Variants in YTHDF3 observed in about 807,000 individuals in gnomAD.
The protein encoded by YTHDF3 is YTH domain-containing family protein 3.
In YTHDF3, 9 loss-of-function variants were observed where a neutral mutation model predicts 52.5. That is an observed-to-expected ratio of 0.17 (90% CI 0.10 to 0.30). YTHDF3 has a LOEUF of 0.30. YTHDF3 is among the 10% of genes least tolerant of loss of function. YTHDF3 has a pLI of 1.00. For synonymous variants in YTHDF3, 274 were observed against 243.3 expected, an observed-to-expected ratio of 1.13 and a Z score of -1.18; for missense variants, 534 against 715.0, an observed-to-expected ratio of 0.75 and a Z score of 2.89.
intron 4 of YTHDF3, among the ~76,000 whole-genome samples, chr8:63,197,395 G>C (rs892166827): frequency 8.5e-5 from 13 of 152,150 alleles, no homozygotes; most frequent in Admixed American, 5.9e-4. Context: ...TGTAGAAATG[G>C]ACAGTAGGAT....
chr8:63,195,731 CGTGTGT>C (rs61277098), intron 4 of YTHDF3, among the ~76,000 whole-genome samples: 183 of 145,316 alleles, frequency 1.3e-3, no homozygotes, highest in Middle Eastern at 3.5e-3. Context: ...CATGTATTTA[CGTGTGT>C]GTGTGTGTGT....
rs758352957 is a variant in YTHDF3, at chr8:63,199,315, G to T, written c.1735-10368G>T. On this transcript the variant is annotated intron_variant, in intron 4 of 4. Transcript: ENST00000539294. ...TACAGGGGATTATTCCAGGACCCCC[G>T]CAAATACCAAAATCTGCACATACTC... Among the ~76,000 whole-genome samples, 9 of 152,046 alleles carry T rather than the reference G, an allele frequency of 5.9e-5. 1 individual carries two copies. Among genetic ancestry groups the T allele is most frequent in the Admixed American group, 5.2e-4 (8 of 15,258 alleles).
chr8:63,201,346 CCT>C (rs1295953469), intron 4 of YTHDF3, among the ~76,000 whole-genome samples: 3 of 151,886 alleles, frequency 2.0e-5, no homozygotes, highest in Non-Finnish European at 4.4e-5. Context: ...CAACATAGAC[CCT>C]GTCTCTATAT....
At position 63,168,891 on chromosome 8, in the gene YTHDF3, G is replaced by A; in HGVS notation, c.14G>A (p.Ser5Asn). Residue 5 changes from serine to asparagine, a missense_variant, in exon 1 of 5, where the codon AGC becomes AAC. By Grantham distance (46) the Ser-to-Asn change is conservative. Coordinates refer to ENST00000539294, the MANE Select transcript of YTHDF3 (RefSeq NM_152758.6). ...TTGCGGTGAAGAATGTCAGCCACTA[G>A]CGTGGATCAGGTGAGGGAGCAGAGG... MSAT[S>N]VDQRPKGQGN... The A allele has an allele frequency of 6.4e-7, 1 of 1,553,808 alleles. No individual in the cohort carries two copies. The highest frequency in any genetic ancestry group is 1.7e-4 in the Middle Eastern group (1 of 5,978).
chr8:63,180,567 G>A (rs1281594281), intron 3 of YTHDF3, among the ~76,000 whole-genome samples: 3 of 152,152 alleles, frequency 2.0e-5, no homozygotes, highest in Admixed American at 1.3e-4. Flanking sequence ...CTTCCCAGAC[G>A]GGGTGGCGGC....
At position 63,168,797 on chromosome 8, in the gene YTHDF3, G is replaced by A; in HGVS notation, c.-81G>A. ...GCGGCTGGAACAATCACTCGGCCAA[G>A]GGCGACAGCCAACTGCTGTGAGTGC... On this transcript the variant is annotated 5_prime_UTR_variant, in exon 1 of 5. Transcript: ENST00000539294. 6.5e-7 allele frequency: 1 copy of A among 1,549,200 alleles called. No individual in the cohort carries two copies. The highest frequency in any genetic ancestry group is 8.7e-7 in the Non-Finnish European group (1 of 1,146,452).
At position 63,175,282 on chromosome 8, in the gene YTHDF3, G is replaced by A. The variant is rs754304788; in HGVS notation, c.50-49G>A. 15 of 1,364,150 alleles carry A rather than the reference G, an allele frequency of 1.1e-5. 1 individual carries two copies. The highest frequency in any genetic ancestry group is 1.0e-4 in the South Asian group (8 of 77,768). The allele number at this position is 1,364,150 out of a possible 1,614,324, so 84.5% of individuals were successfully genotyped here. A position where few individuals can be genotyped will look rare whatever the true frequency, so the allele number is the denominator to read the frequency against. On this transcript the variant is annotated intron_variant, in intron 2 of 4. Coordinates refer to ENST00000539294, the MANE Select transcript of YTHDF3 (RefSeq NM_152758.6). Reference sequence around the variant, plus strand: ...TATTAAAAACATTAGGTTGTGCTGCGAGTTTCATAAAGATAACTACAACAC... The same window carrying A: ...TATTAAAAACATTAGGTTGTGCTGCAAGTTTCATAAAGATAACTACAACAC...
At chr8:63,189,447 G>A (rs1346078294) in intron 4 of YTHDF3, among the ~76,000 whole-genome samples, 1 of 152,244 alleles carries the variant, frequency 6.6e-6, no homozygotes, top group Non-Finnish European at 1.5e-5. Context: ...AGCTCCTCCA[G>A]TAAATAATGC....
intron 4 of YTHDF3, among the ~76,000 whole-genome samples, chr8:63,195,770 G>C (rs1376552578): frequency 1.4e-5 from 2 of 146,920 alleles, no homozygotes; most frequent in Non-Finnish European, 3.0e-5. Context: ...GTGTGACCCT[G>C]GGCAACATAG....
At chr8:63,169,535 T>C in intron 2 of YTHDF3, 124 bp downstream of exon 2, 2 of 1,112,130 alleles carry the variant, frequency 1.8e-6, no homozygotes, top group East Asian at 2.6e-5. Flanking sequence ...AGGGAAAATA[T>C]TCATCATGGC....
intron 4 of YTHDF3, among the ~76,000 whole-genome samples, chr8:63,198,404 C>T (rs1468036744): frequency 6.6e-6 from 1 of 152,046 alleles, no homozygotes; most frequent in Non-Finnish European, 1.5e-5. Flanking sequence ...GTAGCCAGGA[C>T]TACAGGTGTG....
At chr8:63,170,172 G>A (rs911495754) in intron 2 of YTHDF3, among the ~76,000 whole-genome samples, 2 of 152,082 alleles carry the variant, frequency 1.3e-5, no homozygotes, top group African/African-American at 4.8e-5. Context: ...CTGCTTTCTT[G>A]GGATAGTGCC....
intron 4 of YTHDF3, among the ~76,000 whole-genome samples, chr8:63,194,717 C>A (rs908804467): frequency 6.6e-6 from 1 of 152,002 alleles, no homozygotes; most frequent in Non-Finnish European, 1.5e-5. Context: ...GTCAGATGAT[C>A]CATGGAATTG....
intron 2 of YTHDF3, chr8:63,172,849 C>T: frequency 8.3e-7 from 1 of 1,209,866 alleles, no homozygotes; most frequent in South Asian, 4.2e-5. Flanking sequence ...GACTATGGAA[C>T]TAGCTTGGAT....
chr8:63,170,944 AT>A (rs1266798787), intron 2 of YTHDF3, among the ~76,000 whole-genome samples: 4 of 152,152 alleles, frequency 2.6e-5, no homozygotes, highest in African/African-American at 9.6e-5. Flanking sequence ...CATCTTTGAT[AT>A]TAGATATGAG....
At position 63,209,797 on chromosome 8, in the gene YTHDF3, T is replaced by C; in HGVS notation, c.*91T>C. On this transcript the variant is annotated 3_prime_UTR_variant, in exon 5 of 5. Coordinates refer to ENST00000539294, the MANE Select transcript of YTHDF3 (RefSeq NM_152758.6). ...TCAAAGAAGACGTATTAAAGCTCTT[T>C]TCTGCTTAAGGTGACATCTTTGAAC... is the stretch of plus-strand genomic sequence containing the variant. 1 of 1,329,308 alleles carries C rather than the reference T, an allele frequency of 7.5e-7. No individual in the cohort carries two copies. 82.3% of individuals were successfully genotyped at this position (1,329,308 alleles called of 1,614,324 possible). A position where few individuals can be genotyped will look rare whatever the true frequency, so the allele number is the denominator to read the frequency against.
intron 4 of YTHDF3, among the ~76,000 whole-genome samples, chr8:63,207,033 G>T (rs1053028541): frequency 6.6e-6 from 1 of 152,082 alleles, no homozygotes; most frequent in Non-Finnish European, 1.5e-5. Context: ...TACTCAATCT[G>T]TATTTTTGCT....
In YTHDF3 at chr8:63,205,846, G is replaced by A. The variant is rs116323747; in HGVS notation, c.1735-3837G>A. ...ACTGTCAGGCACAGTCCACCTTGCT[G>A]ATATAAATGTGGGGTTTTTTTGGTC... is the stretch of plus-strand genomic sequence containing the variant. On this transcript the variant is annotated intron_variant, in intron 4 of 4. Coordinates refer to ENST00000539294, the MANE Select transcript of YTHDF3 (RefSeq NM_152758.6). Among the ~76,000 whole-genome samples, 1,250 of 152,306 alleles carry A rather than the reference G, an allele frequency of 8.2e-3. 25 individuals carry two copies. The highest frequency in any genetic ancestry group is 0.029 in the African/African-American group (1,204 of 41,558).
chr8:63,199,960 A>G (rs534235419), intron 4 of YTHDF3, among the ~76,000 whole-genome samples: 7 of 152,106 alleles, frequency 4.6e-5, no homozygotes, highest in Admixed American at 2.0e-4. Flanking sequence ...TGTCTAATAG[A>G]TTTCTCCAAA....
Sources: allele counts gnomAD v4.1 joint callset (sites outside exome capture counted in the v4.1 genomes callset), GRCh38; gene constraint gnomAD v4.1.1; transcripts MANE v1.5; gene names NCBI Gene and HGNC (gene_info 2026-07-23, HGNC 2026-07-21).